The following IPCEF1 variants were observed in gnomAD, a reference collection of about 807,000 sequenced individuals.
IPCEF1 encodes the protein interactor protein for cytohesin exchange factors 1.
Under a neutral mutation model 50.9 loss-of-function variants are expected in IPCEF1, and 31 were observed. The ratio of observed to expected loss-of-function variants is 0.61; its 90% CI spans 0.46 to 0.82. IPCEF1 has a LOEUF of 0.82. Among genes scored for constraint, IPCEF1 ranks in the 40% least tolerant of loss-of-function variants. The probability of loss-of-function intolerance (pLI) is 0.00; values close to 1 mark genes in which losing one functional copy is unlikely to be tolerated. For synonymous variants in IPCEF1, 181 were observed against 192.0 expected (o/e 0.94, Z 0.47); for missense variants, 458 against 514.0 (o/e 0.89, Z 1.05).
intron 5 of IPCEF1, among the ~76,000 whole-genome samples, chr6:154,245,856 A>T (rs1393536238): frequency 6.6e-6 from 1 of 152,254 alleles, no homozygotes; most frequent in Non-Finnish European, 1.5e-5. Context: ...GATTCAGGTC[A>T]CGAAAGATCA....
At chr6:154,264,545 G>T (rs1462060737) in intron 3 of IPCEF1, among the ~76,000 whole-genome samples, 2 of 151,942 alleles carry the variant, frequency 1.3e-5, no homozygotes, top group Non-Finnish European at 2.9e-5. Context: ...GCTAATTTTT[G>T]TATTTTTAGT....
chr6:154,284,531 G>A (rs1782309008), intron 2 of IPCEF1, among the ~76,000 whole-genome samples: 1 of 152,284 alleles, frequency 6.6e-6, no homozygotes, highest in South Asian at 2.1e-4. Context: ...GTCTGGAGAA[G>A]AGTATGAGTG....
chr6:154,296,770 A>C (rs1782672266), intron 1 of IPCEF1, among the ~76,000 whole-genome samples: 2 of 151,078 alleles, frequency 1.3e-5, no homozygotes, highest in African/African-American at 4.9e-5. Flanking sequence ...CGGAGTTTGC[A>C]GTGAGCGGAG....
chr6:154,214,412 G>T (rs1250349434), intron 7 of IPCEF1, 136 bp from the exon 8 acceptor site: 1 of 719,572 alleles, frequency 1.4e-6, no homozygotes, highest in Non-Finnish European at 2.5e-6. Flanking sequence ...GCATAAGTTT[G>T]TGCCATCGAA....
intron 5 of IPCEF1, among the ~76,000 whole-genome samples, chr6:154,232,755 C>A (rs1779818861): frequency 6.6e-6 from 1 of 152,034 alleles, no homozygotes; most frequent in African/African-American, 2.4e-5. Context: ...CTCTGAGTCA[C>A]TGTACTCACA....
chr6:154,287,599 T>A (rs1782396595), intron 2 of IPCEF1, among the ~76,000 whole-genome samples: 1 of 152,196 alleles, frequency 6.6e-6, no homozygotes, highest in African/African-American at 2.4e-5. Context: ...CCCAGCCCTC[T>A]GAGCTCAGAG....
At chr6:154,284,450 T>C (rs1428336372) in intron 2 of IPCEF1, among the ~76,000 whole-genome samples, 1 of 152,168 alleles carries the variant, frequency 6.6e-6, no homozygotes, top group Non-Finnish European at 1.5e-5. Flanking sequence ...CCCAGACCCA[T>C]GCAGTTAGGA....
chr6:154,161,399 T>C (rs1019656678), intron 11 of IPCEF1, among the ~76,000 whole-genome samples: 1 of 151,968 alleles, frequency 6.6e-6, no homozygotes, highest in Non-Finnish European at 1.5e-5. Flanking sequence ...TTAGTAGAGA[T>C]GGGGTTTCGC....
intron 5 of IPCEF1, among the ~76,000 whole-genome samples, chr6:154,233,184 G>C (rs568210195): frequency 3.9e-5 from 6 of 152,234 alleles, no homozygotes; most frequent in Non-Finnish European, 8.8e-5. Context: ...GGCCAGACTG[G>C]TCTCAAACTA....
rs1469033239 is a variant in IPCEF1 at position 154,168,406 on chromosome 6, G to C, written c.911-293C>G. Among the ~76,000 whole-genome samples the C allele has an allele frequency of 6.6e-6, 1 of 151,890 alleles. No individual in the cohort carries two copies. Among genetic ancestry groups the C allele is most frequent in the Non-Finnish European group, 1.5e-5 (1 of 67,976 alleles). On this transcript the variant is annotated intron_variant, in intron 10 of 11. Transcript: ENST00000367220. The surrounding 1 kb of genome is among the most constrained non-coding windows in gnomAD (Gnocchi z 4.1). ...CAGTATAACTCCAATATTCACATGG[G>C]GTGTTCCCTGCATGCATGTCTCTGT...
At chr6:154,291,741 G>A (rs898056814) in intron 1 of IPCEF1, among the ~76,000 whole-genome samples, 17 of 134,322 alleles carry the variant, frequency 1.3e-4, no homozygotes, top group Admixed American at 8.4e-5. Context: ...CTGGAGAGCC[G>A]TGGCACAATC....
Position 154,333,070 on chromosome 6 carries a change from G to A in IPCEF1, c.-62+23602C>T, listed in dbSNP as rs574256674. On this transcript the variant is annotated intron_variant, in intron 1 of 11. Coordinates refer to ENST00000367220, the MANE Select transcript of IPCEF1 (RefSeq NM_001130700.2). ...TTGTCTCTCATCTTAGGCTCCCAAC[G>A]CTAGATTAACTTCATTTCCTGATGG... Among the ~76,000 whole-genome samples the A allele has an allele frequency of 3.3e-5, 5 of 152,232 alleles. No homozygotes were observed. The South Asian group carries it at 6.2e-4, about 19-fold the overall frequency.
At chr6:154,323,628 T>C (rs998569042) in intron 1 of IPCEF1, among the ~76,000 whole-genome samples, 3 of 152,146 alleles carry the variant, frequency 2.0e-5, no homozygotes, top group Non-Finnish European at 2.9e-5. Flanking sequence ...CAGAAATATC[T>C]CAAAATGACA....
chr6:154,242,519 T>G (rs9479796), intron 5 of IPCEF1, among the ~76,000 whole-genome samples: 61,835 of 151,984 alleles, frequency 0.41, 12,909 homozygotes, highest in Middle Eastern at 0.49. Flanking sequence ...GATCTTCTCC[T>G]ACAGAAATGA....
Position 154,159,895 on chromosome 6 carries a change from T to C in IPCEF1, c.1250A>G (p.Asp417Gly), listed in dbSNP as rs1207059730. Residue 417 changes from aspartate to glycine, a missense_variant, in exon 12 of 12, where the codon GAC becomes GGC. Coordinates refer to ENST00000367220, the MANE Select transcript of IPCEF1 (RefSeq NM_001130700.2). The stretch of plus-strand genomic sequence containing the variant: ...GAGTTCCTGGGGGGTGTCATCAGTG[T>C]CATCAGGGGCAGGCGAAGCCCGCTG... Reference protein sequence around the residue: ...QQQRASPAPDDTDDTPQELKK... With the variant: ...QQQRASPAPDGTDDTPQELKK... The C allele has an allele frequency of 1.2e-6, 2 of 1,613,568 alleles. No homozygotes were observed. Among genetic ancestry groups the C allele is most frequent in the African/African-American group, 2.7e-5 (2 of 74,888 alleles).
In IPCEF1 at chr6:154,273,724, CTTTTTTTTTTTTTTTTTTTTTTTTTTT is replaced by C. The variant is rs71021036; in HGVS notation, c.-17-7787_-17-7761del. Among the ~76,000 whole-genome samples the C allele has an allele frequency of 2.1e-3, 131 of 63,330 alleles. 10 individuals carry two copies. The highest frequency in any genetic ancestry group is 1.4e-3 in the Non-Finnish European group (43 of 31,574). 41.5% of individuals were successfully genotyped at this position (63,330 alleles called of 152,430 possible). A position where few individuals can be genotyped will look rare whatever the true frequency, so the allele number is the denominator to read the frequency against. On this transcript the variant is annotated intron_variant, in intron 2 of 11. Transcript: ENST00000367220. Reference sequence around the variant, plus strand: ...TCTTTTTTTCTTTCTTTCTTTCTTTCTTTTTTTTTTTTTTTTTTTTTTTTTTTTTTTTTTTTTTTTTTTTTTTGAGGC... The same window carrying C: ...TCTTTTTTTCTTTCTTTCTTTCTTTCTTTTTTTTTTTTTTTTTTTTGAGGC...
intron 10 of IPCEF1, among the ~76,000 whole-genome samples, chr6:154,197,159 T>C (rs1422840574): frequency 1.3e-5 from 2 of 152,162 alleles, no homozygotes; most frequent in Non-Finnish European, 2.9e-5. Flanking sequence ...AAAAACACCT[T>C]GAACAATTTC....
Position 154,256,917 on chromosome 6 carries a change from G to A in IPCEF1, c.36+8995C>T, listed in dbSNP as rs1397431216. Among the ~76,000 whole-genome samples the A allele has an allele frequency of 2.0e-5, 3 of 152,268 alleles. No individual in the cohort carries two copies. In the East Asian group the frequency reaches 5.8e-4, roughly 29 times the overall value. Reference sequence around the variant, plus strand: ...ATTTTCAACACTTTATTATAAAATAGGTTTGTGTTAGATGATTTTGCCCGG... The same window carrying A: ...ATTTTCAACACTTTATTATAAAATAAGTTTGTGTTAGATGATTTTGCCCGG... On this transcript the variant is annotated intron_variant, in intron 3 of 11. Coordinates refer to ENST00000367220, the MANE Select transcript of IPCEF1 (RefSeq NM_001130700.2).
Position 154,249,273 on chromosome 6 carries a change from C to G in IPCEF1, c.37-1785G>C, listed in dbSNP as rs17214592. ...CATTCCCTCAAATCATCTCCTGGGA[C>G]CTTTTTTTGATATGCCAATTCTCTG... On this transcript the variant is annotated intron_variant, in intron 3 of 11. Coordinates refer to ENST00000367220, the MANE Select transcript of IPCEF1 (RefSeq NM_001130700.2). 4.3e-4 allele frequency among the ~76,000 whole-genome samples: 66 copies of G among 152,204 alleles called. 1 individual carries two copies. In the South Asian group the frequency reaches 0.013, roughly 31 times the overall value.
Sources: allele counts gnomAD v4.1 joint callset (sites outside exome capture counted in the v4.1 genomes callset), GRCh38; gene constraint gnomAD v4.1.1; non-coding constraint Gnocchi (gnomAD v3.1); transcripts MANE v1.5; gene names NCBI Gene and HGNC (gene_info 2026-07-23, HGNC 2026-07-21).